HTT: variants seen among roughly 807,000 people sequenced by gnomAD.
The protein encoded by HTT is huntington disease protein.
Under a neutral mutation model 362.3 loss-of-function variants are expected in HTT, and 104 were observed. The observed-to-expected ratio is 0.29, with a 90% CI of 0.24 to 0.34. The LOEUF (loss-of-function observed/expected upper bound fraction) is 0.34, where lower values mean the gene tolerates loss of function less well. HTT is among the 10% of genes least tolerant of loss of function. The pLI is 1.00. For missense variants in HTT, 3,301 were observed against 3,928.6 expected (o/e 0.84, Z 4.27); for synonymous variants, 1,577 against 1,548.7 (o/e 1.02, Z -0.43).
chr4:3,131,394 A>G lies in HTT; in HGVS notation c.2095A>G (p.Asn699Asp), dbSNP rs771436376. The G allele has an allele frequency of 3.7e-6, 6 of 1,609,134 alleles. No individual in the cohort carries two copies. Among genetic ancestry groups the G allele is most frequent in the South Asian group, 3.3e-5 (3 of 90,954 alleles). The change falls in exon 15 of 67, where the codon AAT (asparagine) becomes GAT (aspartate). Residue 699 changes from asparagine to aspartate, a missense_variant. Asn to Asp is a conservative substitution (Grantham distance 23). Coordinates refer to ENST00000355072, the MANE Select transcript of HTT (RefSeq NM_001388492.1). Reference sequence around the variant, plus strand: ...TTCGTTTTTGCTAACAGGGGGAAAAAATGGTGAGTACAAAAGGGGATGTGC... The same window carrying G: ...TTCGTTTTTGCTAACAGGGGGAAAAGATGGTGAGTACAAAAGGGGATGTGC... ...SASFLLTGGK[N>D]VLVPDRDVRV...
intron 29 of HTT, among the ~76,000 whole-genome samples, chr4:3,169,275 C>T (rs1424136539): frequency 6.6e-6 from 1 of 152,100 alleles, no homozygotes; most frequent in Admixed American, 6.5e-5. Context: ...GCCTGGGCCT[C>T]CCAAAGTGCT....
intron 57 of HTT, among the ~76,000 whole-genome samples, chr4:3,227,095 G>C (rs141414849): frequency 6.6e-6 from 1 of 152,314 alleles, no homozygotes; most frequent in Non-Finnish European, 1.5e-5. Flanking sequence ...GTCTGTGCCC[G>C]AGGTATTCCC....
rs1264881707 is a variant in HTT, at chr4:3,199,792, G to A, written c.5429G>A (p.Gly1810Asp). 1.2e-6 allele frequency: 2 copies of A among 1,614,158 alleles called. No individual in the cohort carries two copies. Among genetic ancestry groups the A allele is most frequent in the Admixed American group, 1.7e-5 (1 of 60,020 alleles). Reference protein sequence around the residue: ...TRLFRSDGCGGSFYTLDSLNL... With the variant: ...TRLFRSDGCGDSFYTLDSLNL... ...CTGTTCCGCAGTGATGGCTGTGGCG[G>A]CAGTTTCTACACCCTGGACAGCTTG... The change falls in exon 41 of 67, where the codon GGC becomes GAC. Residue 1810 changes from glycine to aspartate, a missense_variant. Coordinates refer to ENST00000355072, the MANE Select transcript of HTT (RefSeq NM_001388492.1).
chr4:3,116,372 T>G, intron 8 of HTT, 109 bp downstream of exon 8: 3 of 932,272 alleles, frequency 3.2e-6, no homozygotes, highest in Non-Finnish European at 4.9e-6. Context: ...GTGTGGACTC[T>G]GGAGCTGCGC....
At chr4:3,239,311 TCTC>T (rs1306280684) in intron 66 of HTT, among the ~76,000 whole-genome samples, 1 of 152,132 alleles carries the variant, frequency 6.6e-6, no homozygotes, top group Non-Finnish European at 1.5e-5. Context: ...TGGCTGGGCT[TCTC>T]CTGACACTGC....
At chr4:3,162,678 T>G (rs1356976482) in intron 29 of HTT, among the ~76,000 whole-genome samples, 2 of 152,228 alleles carry the variant, frequency 1.3e-5, no homozygotes, top group Non-Finnish European at 2.9e-5. Flanking sequence ...TTTCATTCCC[T>G]TAGTAGCATT....
At chr4:3,123,238 C>T (rs1715372170) in intron 10 of HTT, 2 of 263,742 alleles carry the variant, frequency 7.6e-6, no homozygotes, top group Non-Finnish European at 1.4e-5. Context: ...AGAGTGTAAA[C>T]ATCTTAGCTT....
chr4:3,206,915 G>A lies in HTT; in HGVS notation c.6007G>A (p.Val2003Met), dbSNP rs1281971007. The A allele has an allele frequency of 6.2e-7, 1 of 1,614,146 alleles. No individual in the cohort carries two copies. Among genetic ancestry groups the A allele is most frequent in the South Asian group, 1.1e-5 (1 of 91,090 alleles). ...CAGGCTTCTGTGCACCCCTTTCCGTGTGCTGGCTCGCATGGTCGACATCCT... is the reference window on the plus strand; with the variant it reads ...CAGGCTTCTGTGCACCCCTTTCCGTATGCTGGCTCGCATGGTCGACATCCT... ...VDRLLCTPFR[V>M]LARMVDILAC... Residue 2003 changes from valine (V) to methionine (M), a missense_variant, in exon 44 of 67, where the codon GTG becomes ATG. Transcript: ENST00000355072. This position sits in a 1 kb window ranked among gnomAD's most constrained non-coding sequence, Gnocchi z 4.6.
chr4:3,234,279 T>G (rs1334110418), intron 61 of HTT, among the ~76,000 whole-genome samples: 2 of 152,212 alleles, frequency 1.3e-5, no homozygotes, highest in Admixed American at 6.5e-5. Context: ...TCAGGGGCCA[T>G]TGCCCTCATC....
chr4:3,241,311 C>G lies in HTT; in HGVS notation c.*1252C>G, dbSNP rs1721790562. On this transcript the variant is annotated 3_prime_UTR_variant, in exon 67 of 67. Coordinates refer to ENST00000355072, the MANE Select transcript of HTT (RefSeq NM_001388492.1). ...CCCTTTTAGTCAGGAGAGTGCAGAT[C>G]TGTGCTCATCGGAGACTGCCCCACG... is the stretch of plus-strand genomic sequence containing the variant. The G allele has an allele frequency of 6.6e-6, 1 of 152,422 alleles. No individual in the cohort carries two copies. Among genetic ancestry groups the G allele is most frequent in the South Asian group, 2.1e-4 (1 of 4,832 alleles). 9.4% of individuals were successfully genotyped at this position (152,422 alleles called of 1,614,324 possible). A position where few individuals can be genotyped will look rare whatever the true frequency, so the allele number is the denominator to read the frequency against.
chr4:3,137,859 A>G (rs1716142898), intron 21 of HTT, among the ~76,000 whole-genome samples: 2 of 152,202 alleles, frequency 1.3e-5, no homozygotes, highest in Non-Finnish European at 2.9e-5. Flanking sequence ...ATTCTATTAT[A>G]TGAATAATAC....
Position 3,127,554 on chromosome 4 carries a change from A to G in HTT, c.1693A>G (p.Thr565Ala), listed in dbSNP as rs542758323. Residue 565 changes from threonine to alanine, a missense_variant, in exon 12 of 67, where the codon ACC (threonine) becomes GCC (alanine). This residue lies in a region of HTT where 2,316 missense variants were observed against 2,658.5 expected (regional missense o/e 0.87). Transcript: ENST00000355072. ...SSPISDSSQT[T>A]TEGPDSAVTP... ...GCCCATCAGCGACAGCTCCCAGACCACCACCGAAGGGCCTGATTCAGCTGT... is the reference window on the plus strand; with the variant it reads ...GCCCATCAGCGACAGCTCCCAGACCGCCACCGAAGGGCCTGATTCAGCTGT... 3 of 1,614,060 alleles carry G rather than the reference A, an allele frequency of 1.9e-6. No homozygotes were observed. Among genetic ancestry groups the G allele is most frequent in the Non-Finnish European group, 1.7e-6 (2 of 1,179,954 alleles).
At chr4:3,103,414 C>T (rs1365343589) in intron 3 of HTT, among the ~76,000 whole-genome samples, 3 of 151,588 alleles carry the variant, frequency 2.0e-5, no homozygotes, top group Non-Finnish European at 4.4e-5. Context: ...TTAGTAGAGA[C>T]GGAGTTTCTC....
At chr4:3,122,830 A>G in intron 9 of HTT, 59 bp from the exon 10 acceptor site, 2 of 1,396,108 alleles carry the variant, frequency 1.4e-6, no homozygotes, top group South Asian at 1.3e-5. Context: ...GAAGATTTTC[A>G]CATTTCTTCT....
intron 9 of HTT, 86 bp from the exon 10 acceptor site, chr4:3,122,803 G>T (rs1578516270): frequency 9.2e-7 from 1 of 1,084,404 alleles, no homozygotes; most frequent in Admixed American, 2.2e-5. Flanking sequence ...TAGTTTTAAA[G>T]TTGAATCAAG....
At chr4:3,115,726 T>A (rs1475485227) in intron 7 of HTT, among the ~76,000 whole-genome samples, 7 of 152,078 alleles carry the variant, frequency 4.6e-5, no homozygotes, top group African/African-American at 1.7e-4. Flanking sequence ...CTATGGTGAG[T>A]CTTGTAGGCT....
chr4:3,218,000 C>T (rs745333356), intron 52 of HTT, 48 bp downstream of exon 52: 21 of 1,510,576 alleles, frequency 1.4e-5, no homozygotes, highest in Admixed American at 8.8e-5. Context: ...TGAAAGGCAC[C>T]GGTAGGCCCT....
chr4:3,169,636 C>T (rs1185028910), intron 29 of HTT, among the ~76,000 whole-genome samples: 4 of 151,522 alleles, frequency 2.6e-5, no homozygotes, highest in Admixed American at 6.6e-5. Context: ...TTTAGTGGTG[C>T]GATATCAGCT....
chr4:3,158,015 CAG>C (rs923198933), intron 28 of HTT, among the ~76,000 whole-genome samples: 3 of 147,720 alleles, frequency 2.0e-5, no homozygotes, highest in Non-Finnish European at 3.0e-5. Context: ...CTTTTTTAGA[CAG>C]AGTCTTGCTC....
Sources: allele counts gnomAD v4.1 joint callset (sites outside exome capture counted in the v4.1 genomes callset), GRCh38; gene constraint gnomAD v4.1.1; regional missense constraint gnomAD v4.1.1; non-coding constraint Gnocchi (gnomAD v3.1); transcripts MANE v1.5; gene names NCBI Gene and HGNC (gene_info 2026-07-23, HGNC 2026-07-21).